NFATC2: variants seen among roughly 807,000 people sequenced by gnomAD.
The protein encoded by NFATC2 is nuclear factor of activated T-cells, cytoplasmic 2.
NFATC2 carries 22 observed loss-of-function variants against 87.3 expected under a neutral mutation model. The observed-to-expected ratio is 0.25, with a 90% confidence interval of 0.18 to 0.36. NFATC2 has a LOEUF of 0.36. Among genes scored for constraint, NFATC2 ranks in the 10% least tolerant of loss-of-function variants. The probability of loss-of-function intolerance (pLI) is 1.00; values close to 1 mark genes in which losing one functional copy is unlikely to be tolerated. For missense variants in NFATC2, 1,149 were observed against 1,259.1 expected (o/e 0.91, Z 1.32); for synonymous variants, 565 against 542.2 (o/e 1.04, Z -0.58).
chr20:51,555,427 A>C (rs1454960050), intron 1 of NFATC2, among the ~76,000 whole-genome samples: 1 of 152,050 alleles, frequency 6.6e-6, no homozygotes, highest in Non-Finnish European at 1.5e-5. Flanking sequence ...CCCCGTCTCT[A>C]CTAAAAATAC....
At chr20:51,438,068 G>A (rs868448756) in intron 6 of NFATC2, among the ~76,000 whole-genome samples, 2 of 152,224 alleles carry the variant, frequency 1.3e-5, no homozygotes, top group South Asian at 4.1e-4. Context: ...AATTGGAAGT[G>A]AAGTCATCAA....
chr20:51,553,825 G>A (rs888802617), intron 1 of NFATC2, among the ~76,000 whole-genome samples: 1 of 152,034 alleles, frequency 6.6e-6, no homozygotes, highest in Admixed American at 6.6e-5. Context: ...CAAGGGGCAG[G>A]GTGGGTAGGG....
Position 51,432,151 on chromosome 20 carries a change from G to A in NFATC2, c.2638C>T (p.Pro880Ser). Residue 880 changes from proline (P) to serine (S), a missense_variant, in exon 9 of 11, where the codon CCG (proline) becomes TCG (serine). Transcript: ENST00000371564. The surrounding 1 kb of genome is among the most constrained non-coding windows in gnomAD (Gnocchi z 4.6). ...TSQRAAKNGP[P>S]VSDQKEVLPA... ...AATACTTCCTTTTGGTCACTGACCG[G>A]GGGTCCGTTTTTGGCGGCTCTTTGG... The A allele has an allele frequency of 1.2e-6, 2 of 1,600,460 alleles. No homozygotes were observed. The highest frequency in any genetic ancestry group is 1.7e-6 in the Non-Finnish European group (2 of 1,170,850).
At chr20:51,539,035 C>T (rs2076764708) in intron 1 of NFATC2, among the ~76,000 whole-genome samples, 2 of 152,132 alleles carry the variant, frequency 1.3e-5, no homozygotes, top group South Asian at 2.1e-4. Flanking sequence ...AATTACTTTA[C>T]CTCTCTGTGC....
rs73267862 is a variant in NFATC2 at position 51,391,197 on chromosome 20, T to C, written c.*299A>G. ...AGGATGCTCTCTGGGATTTAAAACATAAACCGAAAAGAAGAGTTCTCTCTG... is the reference window on the plus strand; with the variant it reads ...AGGATGCTCTCTGGGATTTAAAACACAAACCGAAAAGAAGAGTTCTCTCTG... On this transcript the variant is annotated 3_prime_UTR_variant, in exon 11 of 11. Transcript: ENST00000371564. 6,789 of 701,394 alleles carry C rather than the reference T, an allele frequency of 9.7e-3. 292 individuals carry two copies. In the African/African-American group the frequency reaches 0.11, roughly 11 times the overall value. 43.4% of individuals were successfully genotyped at this position (701,394 alleles called of 1,614,324 possible).
At chr20:51,474,276 C>A in intron 4 of NFATC2, 124 bp from the exon 5 acceptor site, 1 of 1,162,646 alleles carries the variant, frequency 8.6e-7, no homozygotes, top group Non-Finnish European at 1.2e-6. Context: ...ATAAGCATTT[C>A]AGCCAGGAAT....
At chr20:51,440,741 C>A (rs1378619431) in intron 6 of NFATC2, among the ~76,000 whole-genome samples, 1 of 152,168 alleles carries the variant, frequency 6.6e-6, no homozygotes, top group African/African-American at 2.4e-5. Context: ...AAACAAGTCC[C>A]CAACAGGAAG....
At chr20:51,481,826 G>A (rs1450126300) in intron 3 of NFATC2, among the ~76,000 whole-genome samples, 3 of 152,112 alleles carry the variant, frequency 2.0e-5, no homozygotes, top group South Asian at 2.1e-4. Context: ...TATAAATGAC[G>A]CCATCCAACC....
chr20:51,552,492 C>T (rs1181453678), intron 1 of NFATC2, among the ~76,000 whole-genome samples: 2 of 152,166 alleles, frequency 1.3e-5, no homozygotes, highest in African/African-American at 4.8e-5. Context: ...CTATCATCTC[C>T]TACAGAGTCT....
chr20:51,510,186 C>T (rs1221285609), intron 3 of NFATC2, among the ~76,000 whole-genome samples: 1 of 152,080 alleles, frequency 6.6e-6, no homozygotes, highest in African/African-American at 2.4e-5. Context: ...TTTTGAAAGC[C>T]CCAGCACAAG....
chr20:51,495,024 G>T (rs545223732), intron 3 of NFATC2, among the ~76,000 whole-genome samples: 1 of 152,332 alleles, frequency 6.6e-6, no homozygotes, highest in African/African-American at 2.4e-5. Context: ...TTGCCTCCAG[G>T]TGGGGGCAAA....
chr20:51,468,681 C>T (rs749295888), intron 5 of NFATC2, among the ~76,000 whole-genome samples: 1 of 152,212 alleles, frequency 6.6e-6, no homozygotes, highest in Non-Finnish European at 1.5e-5. Context: ...GGAAATACAG[C>T]CTGGAGACCG....
intron 9 of NFATC2, among the ~76,000 whole-genome samples, chr20:51,410,087 G>A (rs1445539371): frequency 6.6e-6 from 1 of 151,962 alleles, no homozygotes; most frequent in Non-Finnish European, 1.5e-5. Context: ...GCGGGCGCCT[G>A]TAGTCCCACC....
chr20:51,451,256 C>T (rs1985734492), intron 6 of NFATC2, among the ~76,000 whole-genome samples: 1 of 152,216 alleles, frequency 6.6e-6, no homozygotes, highest in Non-Finnish European at 1.5e-5. Flanking sequence ...TGCTGAGACG[C>T]AGAGGGGAAG....
rs904515529 is a variant in NFATC2 at position 51,435,046 on chromosome 20, T to C, written c.2032+142A>G. On this transcript the variant is annotated intron_variant, in intron 8 of 10. Coordinates refer to ENST00000371564, the MANE Select transcript of NFATC2 (RefSeq NM_012340.5). ...CGGAACCCTTATAAGGAAGATGCTGTCTCACAGATGATGCAACTGAGGCTC... is the reference window on the plus strand; with the variant it reads ...CGGAACCCTTATAAGGAAGATGCTGCCTCACAGATGATGCAACTGAGGCTC... The C allele has an allele frequency of 1.8e-5, 18 of 1,018,680 alleles. No homozygotes were observed. In the African/African-American group the frequency reaches 2.9e-4, roughly 16 times the overall value. The allele number at this position is 1,018,680 out of a possible 1,614,324, so 63.1% of individuals were successfully genotyped here. A position where few individuals can be genotyped will look rare whatever the true frequency, so the allele number is the denominator to read the frequency against.
intron 6 of NFATC2, among the ~76,000 whole-genome samples, chr20:51,442,544 C>G (rs1240581655): frequency 1.3e-5 from 2 of 152,194 alleles, no homozygotes; most frequent in Non-Finnish European, 2.9e-5. Context: ...TCTGCTTAAA[C>G]TTAGAAAGCC....
intron 3 of NFATC2, among the ~76,000 whole-genome samples, chr20:51,503,386 G>A (rs1408914384): frequency 6.6e-6 from 1 of 152,196 alleles, no homozygotes; most frequent in Non-Finnish European, 1.5e-5. Context: ...TCGGCAAATT[G>A]AAGCCCCAGA....
intron 2 of NFATC2, among the ~76,000 whole-genome samples, chr20:51,517,918 A>G (rs77732404): frequency 0.075 from 11,314 of 151,704 alleles, 645 homozygotes; most frequent in African/African-American, 0.16. Context: ...GTCTCAAAAA[A>G]AAAAAAAAAC....
chr20:51,395,654 C>T (rs951847316), intron 10 of NFATC2, among the ~76,000 whole-genome samples: 1 of 145,888 alleles, frequency 6.9e-6, no homozygotes, highest in Non-Finnish European at 1.5e-5. Flanking sequence ...GACTACTAAG[C>T]CTGCAACTGG....
Sources: gnomAD v4.1 joint callset for allele counts (sites outside exome capture counted in the v4.1 genomes callset) on GRCh38, gnomAD v4.1.1 for gene constraint, Gnocchi (gnomAD v3.1) non-coding constraint, MANE v1.5 for transcripts, NCBI Gene and HGNC (gene_info 2026-07-23, HGNC 2026-07-21) for gene names.